Variants in WWC1 observed in about 807,000 individuals in gnomAD.
The protein encoded by WWC1 is protein KIBRA.
Under a neutral mutation model 138.4 loss-of-function variants are expected in WWC1, and 55 were observed. That is an observed-to-expected ratio of 0.40 (90% CI 0.32 to 0.50). The LOEUF (loss-of-function observed/expected upper bound fraction) is 0.50. Ranked by LOEUF, WWC1 falls within the 20% of genes least tolerant of loss-of-function variation. The pLI, the probability that WWC1 is intolerant of heterozygous loss-of-function variation, is 0.72. For missense variants in WWC1, 1,226 were observed against 1,420.4 expected (o/e 0.86, Z 2.20); for synonymous variants, 524 against 564.9 (o/e 0.93, Z 1.03).
chr5:168,403,064 T>TCTC lies in WWC1; in HGVS notation c.591-3134_591-3133insCTC, dbSNP rs1561712413. On this transcript the variant is annotated intron_variant, in intron 5 of 22. Transcript: ENST00000265293. ...TTTCTTTCTTTCTTTCTTTCTTTCT[T>TCTC]TCTTTCTTTCTTTCTTTTCTTTCTT... Among the ~76,000 whole-genome samples the TCTC allele has an allele frequency of 2.5e-5, 3 of 121,800 alleles. No individual in the cohort carries two copies. The East Asian group carries it at 6.4e-4, about 26-fold the overall frequency. The allele number at this position is 121,800 out of a possible 152,430, so 79.9% of individuals were successfully genotyped here.
intron 17 of WWC1, 67 bp from the exon 18 acceptor site, chr5:168,453,901 A>G (rs1756057813): frequency 6.2e-6 from 10 of 1,600,132 alleles, no homozygotes; most frequent in Non-Finnish European, 6.8e-6. Flanking sequence ...CCTTGGGTGT[A>G]TTAAAGGCAG....
chr5:168,382,688 G>A (rs755813), intron 2 of WWC1, among the ~76,000 whole-genome samples: 47 of 151,776 alleles, frequency 3.1e-4, no homozygotes, highest in African/African-American at 9.9e-4. Flanking sequence ...TTCCATCTCC[G>A]CCTTGTTTTT....
At chr5:168,350,500 T>C in intron 1 of WWC1, among the ~76,000 whole-genome samples, 1 of 152,196 alleles carries the variant, frequency 6.6e-6, no homozygotes, top group Non-Finnish European at 1.5e-5. Flanking sequence ...TCCAGGAGGC[T>C]ATTTGGCGTG....
chr5:168,291,962 T>C lies in WWC1; in HGVS notation c.-191T>C, dbSNP rs1581829280. On this transcript the variant is annotated 5_prime_UTR_variant, in exon 1 of 23. Transcript: ENST00000265293. ...GGCGGGAGGAGCGGGCGGCGCCGGG[T>C]CGGGGCTGCAGGGCCGCATGGACAG... The C allele has an allele frequency of 4.6e-6, 2 of 433,374 alleles. No individual in the cohort carries two copies. Among genetic ancestry groups the C allele is most frequent in the East Asian group, 9.1e-5 (2 of 22,028 alleles). The allele number at this position is 433,374 out of a possible 1,614,324, so 26.8% of individuals were successfully genotyped here.
intron 1 of WWC1, among the ~76,000 whole-genome samples, chr5:168,369,292 A>G (rs1341425348): frequency 6.6e-6 from 1 of 152,228 alleles, no homozygotes; most frequent in Non-Finnish European, 1.5e-5. Flanking sequence ...TACTGTCCTC[A>G]TTATACAGAT....
intron 17 of WWC1, among the ~76,000 whole-genome samples, chr5:168,448,438 A>T (rs530777309): frequency 6.6e-6 from 1 of 152,294 alleles, no homozygotes; most frequent in Admixed American, 6.5e-5. Flanking sequence ...TAAAACTAAG[A>T]GTGTTAGAAA....
chr5:168,460,928 G>A (rs55689120), intron 20 of WWC1, among the ~76,000 whole-genome samples, 186 bp downstream of exon 20: 1,744 of 152,296 alleles, frequency 0.011, 33 homozygotes, highest in African/African-American at 0.039. Flanking sequence ...AGCCACAGGG[G>A]AAGGTGCTGA....
At chr5:168,369,228 A>G (rs1776546794) in intron 1 of WWC1, among the ~76,000 whole-genome samples, 1 of 152,234 alleles carries the variant, frequency 6.6e-6, no homozygotes, top group East Asian at 1.9e-4. Context: ...CACCTGTGCT[A>G]AAAGTACTCA....
intron 1 of WWC1, among the ~76,000 whole-genome samples, chr5:168,357,493 T>TGTGTGC (rs1353607261): frequency 6.8e-4 from 82 of 119,826 alleles, no homozygotes; most frequent in African/African-American, 3.2e-3. Flanking sequence ...TGTGTGTGTG[T>TGTGTGC]GCGCGCGCGC....
chr5:168,372,885 A>C (rs529756437), intron 2 of WWC1, among the ~76,000 whole-genome samples: 1 of 152,252 alleles, frequency 6.6e-6, no homozygotes, highest in Non-Finnish European at 1.5e-5. Flanking sequence ...GGTAAGGCAC[A>C]TAGTAGGTGT....
rs542351762 is a variant in WWC1, at chr5:168,297,519, G to A, written c.119+5248G>A. Among the ~76,000 whole-genome samples the A allele has an allele frequency of 7.9e-4, 120 of 151,958 alleles. 1 individual carries two copies. The highest frequency in any genetic ancestry group is 2.6e-3 in the African/African-American group (107 of 41,434). On this transcript the variant is annotated intron_variant, in intron 1 of 22. Transcript: ENST00000265293. The stretch of plus-strand genomic sequence containing the variant: ...TGCATGCCTGTAATCCCGGCTACTC[G>A]GGAGGCTGAGGCAGGAGAATCGCTT...
chr5:168,366,353 AG>A (rs1303910017), intron 1 of WWC1, among the ~76,000 whole-genome samples: 3 of 152,192 alleles, frequency 2.0e-5, no homozygotes, highest in Admixed American at 1.3e-4. Context: ...AGCCTTCCAT[AG>A]GCACTTCCTT....
intron 15 of WWC1, among the ~76,000 whole-genome samples, chr5:168,440,269 T>A (rs1352362271): frequency 2.6e-5 from 4 of 152,098 alleles, no homozygotes; most frequent in African/African-American, 9.7e-5. Flanking sequence ...ACCTCACACA[T>A]ATTTGGATGA....
intron 15 of WWC1, among the ~76,000 whole-genome samples, chr5:168,434,399 G>A (rs145767209): frequency 2.6e-5 from 4 of 152,284 alleles, no homozygotes; most frequent in South Asian, 2.1e-4. Flanking sequence ...CAGAGACTCC[G>A]GACAGCAGGA....
At chr5:168,335,352 G>T (rs1305550566) in intron 1 of WWC1, among the ~76,000 whole-genome samples, 1 of 152,192 alleles carries the variant, frequency 6.6e-6, no homozygotes, top group Non-Finnish European at 1.5e-5. Flanking sequence ...CAGCCATGGC[G>T]GCTCACACCT....
At chr5:168,396,069 C>G (rs1778875164) in intron 3 of WWC1, among the ~76,000 whole-genome samples, 1 of 152,152 alleles carries the variant, frequency 6.6e-6, no homozygotes, top group Non-Finnish European at 1.5e-5. Flanking sequence ...GGTGATCTGG[C>G]TACATGTGAA....
intron 1 of WWC1, among the ~76,000 whole-genome samples, chr5:168,314,831 A>C (rs1771433958): frequency 6.6e-6 from 1 of 152,152 alleles, no homozygotes; most frequent in Non-Finnish European, 1.5e-5. Context: ...TCCTGGCATG[A>C]GGGTGGCAGG....
intron 9 of WWC1, chr5:168,415,083 T>G: frequency 6.0e-6 from 1 of 165,500 alleles, no homozygotes; most frequent in Non-Finnish European, 1.3e-5. Context: ...GGGTTGCAGT[T>G]TGCAGTTTGA....
intron 10 of WWC1, 102 bp downstream of exon 10, chr5:168,422,199 C>A (rs1378004407): frequency 2.6e-6 from 3 of 1,169,748 alleles, no homozygotes; most frequent in East Asian, 2.5e-5. Flanking sequence ...TCCTCCGTGG[C>A]TTGAGAGTGG....
Sources: gnomAD v4.1 joint callset for allele counts (sites outside exome capture counted in the v4.1 genomes callset) on GRCh38, gnomAD v4.1.1 for gene constraint, MANE v1.5 for transcripts, NCBI Gene and HGNC (gene_info 2026-07-23, HGNC 2026-07-21) for gene names.